The following IMPG1 variants were observed in gnomAD, a reference collection of about 807,000 sequenced individuals.
IMPG1 encodes interphotoreceptor matrix proteoglycan 1, also known as interphotoreceptor matrix proteoglycan of 150 kDa.
A neutral mutation model predicts 92.0 loss-of-function variants in IMPG1; 85 were observed. The observed-to-expected ratio is 0.92, with a 90% CI of 0.78 to 1.11. The LOEUF (loss-of-function observed/expected upper bound fraction) is 1.11. Ranked by LOEUF, IMPG1 falls within the 50% of genes least tolerant of loss-of-function variation. The pLI is 0.00. For missense variants in IMPG1, 1,022 were observed against 956.0 expected (o/e 1.07, Z -0.91); for synonymous variants, 367 against 334.1 (o/e 1.10, Z -1.08).
intron 4 of IMPG1, among the ~76,000 whole-genome samples, chr6:76,030,625 A>G (rs1013385865): frequency 5.9e-5 from 9 of 152,130 alleles, no homozygotes; most frequent in Non-Finnish European, 1.2e-4. Context: ...GAAGCCCAAC[A>G]TGCTGGCAAA....
At chr6:76,055,726 T>C (rs938143852) in intron 1 of IMPG1, among the ~76,000 whole-genome samples, 1 of 152,036 alleles carries the variant, frequency 6.6e-6, no homozygotes, top group Non-Finnish European at 1.5e-5. Flanking sequence ...ACATTATGCT[T>C]TCTACAGACT....
Position 75,921,275 on chromosome 6 carries a change from A to C in IMPG1, c.*814T>G, listed in dbSNP as rs551634646. 1 of 152,192 alleles carries C rather than the reference A, an allele frequency of 6.6e-6. No individual in the cohort carries two copies. Among genetic ancestry groups the C allele is most frequent in the Admixed American group, 6.5e-5 (1 of 15,274 alleles). The allele number at this position is 152,192 out of a possible 1,614,324, so 9.4% of individuals were successfully genotyped here. ...ATGCCAGTCTAGGTATACACACACT[A>C]AAGTTGGTGTGAGGAAATATTCTGA... is the stretch of plus-strand genomic sequence containing the variant. On this transcript the variant is annotated 3_prime_UTR_variant, in exon 17 of 17. Coordinates refer to ENST00000369950, the MANE Select transcript of IMPG1 (RefSeq NM_001563.4).
chr6:75,958,059 A>G (rs1432097681), intron 12 of IMPG1, among the ~76,000 whole-genome samples: 1 of 152,028 alleles, frequency 6.6e-6, no homozygotes, highest in African/African-American at 2.4e-5. Flanking sequence ...GTTCCTTTTC[A>G]TATTTATTGC....
At chr6:76,061,943 G>T (rs572559155) in intron 1 of IMPG1, among the ~76,000 whole-genome samples, 1 of 152,094 alleles carries the variant, frequency 6.6e-6, no homozygotes, top group Non-Finnish European at 1.5e-5. Context: ...TGAAATCAAA[G>T]CTATCTCACC....
intron 9 of IMPG1, among the ~76,000 whole-genome samples, chr6:76,006,326 A>G (rs1224277986): frequency 2.0e-5 from 3 of 148,592 alleles, no homozygotes; most frequent in African/African-American, 7.3e-5. Flanking sequence ...ATATATATGT[A>G]TATTATATAT....
At chr6:75,936,954 A>C (rs192988037) in intron 14 of IMPG1, among the ~76,000 whole-genome samples, 2 of 152,192 alleles carry the variant, frequency 1.3e-5, no homozygotes, top group African/African-American at 4.8e-5. Flanking sequence ...ATGAGGGCAC[A>C]GATTGAAACC....
intron 12 of IMPG1, among the ~76,000 whole-genome samples, chr6:75,987,061 T>C (rs993559738): frequency 2.2e-4 from 34 of 152,192 alleles, no homozygotes; most frequent in Non-Finnish European, 4.6e-4. Flanking sequence ...AGCAGCAGGT[T>C]CCATTTTCCA....
At chr6:75,945,349 T>C (rs1781907482) in intron 14 of IMPG1, among the ~76,000 whole-genome samples, 1 of 147,270 alleles carries the variant, frequency 6.8e-6, no homozygotes, top group African/African-American at 2.5e-5. Flanking sequence ...TCTTCTCTTT[T>C]TTTTTTTTCT....
At chr6:76,070,588 GAATA>G (rs1215038065) in intron 1 of IMPG1, among the ~76,000 whole-genome samples, 1 of 152,034 alleles carries the variant, frequency 6.6e-6, no homozygotes, top group Non-Finnish European at 1.5e-5. Flanking sequence ...ACTAATGAAT[GAATA>G]AAGAAAATAT....
At chr6:76,063,857 C>T (rs1784253212) in intron 1 of IMPG1, among the ~76,000 whole-genome samples, 1 of 152,156 alleles carries the variant, frequency 6.6e-6, no homozygotes, top group African/African-American at 2.4e-5. Flanking sequence ...AAGGGAGCAC[C>T]CCTTTGCACA....
At chr6:76,025,149 A>T in intron 5 of IMPG1, 45 bp downstream of exon 5, 3 of 1,084,702 alleles carry the variant, frequency 2.8e-6, no homozygotes, top group Non-Finnish European at 4.2e-6. Context: ...TATCATGATG[A>T]TTTGAATGAA....
intron 12 of IMPG1, among the ~76,000 whole-genome samples, chr6:75,967,077 G>C (rs1003436498): frequency 3.3e-5 from 5 of 152,156 alleles, no homozygotes; most frequent in African/African-American, 1.2e-4. Context: ...TACTTGGGAG[G>C]CTGAGGCAAG....
At chr6:75,974,068 G>C (rs960530515) in intron 12 of IMPG1, among the ~76,000 whole-genome samples, 31 of 152,224 alleles carry the variant, frequency 2.0e-4, no homozygotes, top group Non-Finnish European at 3.5e-4. Flanking sequence ...CTGGCTTCAA[G>C]ATAGTCCCTT....
chr6:76,039,416 C>T (rs1005299897), intron 2 of IMPG1, among the ~76,000 whole-genome samples: 5 of 148,822 alleles, frequency 3.4e-5, no homozygotes, highest in South Asian at 2.1e-4. Context: ...AGTGCAGTGA[C>T]GTGATCTTGG....
intron 8 of IMPG1, among the ~76,000 whole-genome samples, chr6:76,008,663 C>T (rs1464338932): frequency 1.3e-5 from 2 of 152,168 alleles, no homozygotes; most frequent in African/African-American, 4.8e-5. Context: ...TGTAAAGAGG[C>T]CAGGCTTCCT....
Position 76,028,566 on chromosome 6 carries a change from A to G in IMPG1, c.498-3308T>C, listed in dbSNP as rs1374557271. ...AAGTAAGGGCCGGACACGGTGGCTC[A>G]CGCCTGTAATCCCAGCACTTTGGGA... On this transcript the variant is annotated intron_variant, in intron 4 of 16. Transcript: ENST00000369950. 5.3e-5 allele frequency among the ~76,000 whole-genome samples: 8 copies of G among 152,262 alleles called. No individual in the cohort carries two copies. In the East Asian group the frequency reaches 1.5e-3, roughly 29 times the overall value.
At chr6:75,989,284 G>A (rs1234164440) in intron 12 of IMPG1, among the ~76,000 whole-genome samples, 1 of 152,062 alleles carries the variant, frequency 6.6e-6, no homozygotes, top group African/African-American at 2.4e-5. Context: ...ACAGCATCAT[G>A]TACAACTAAA....
At chr6:76,072,353 C>T (rs1784414878) in intron 1 of IMPG1, 69 bp downstream of exon 1, 1 of 849,372 alleles carries the variant, frequency 1.2e-6, no homozygotes, top group East Asian at 2.6e-5. Context: ...CTTGTTGGTT[C>T]TAAATATTCA....
Position 76,024,939 on chromosome 6 carries a change from T to C in IMPG1, c.562+255A>G, listed in dbSNP as rs1373365629. On this transcript the variant is annotated intron_variant, in intron 5 of 16. Transcript: ENST00000369950. Reference sequence around the variant, plus strand: ...ATAATAGAAGAAAGAAGGCAGAAAATAGGCAGTAAATGTTCATGATGGTTG... The same window carrying C: ...ATAATAGAAGAAAGAAGGCAGAAAACAGGCAGTAAATGTTCATGATGGTTG... 5 of 540,826 alleles carry C rather than the reference T, an allele frequency of 9.2e-6. No individual in the cohort carries two copies. In the East Asian group the frequency reaches 2.3e-4, roughly 24 times the overall value. 33.5% of individuals were successfully genotyped at this position (540,826 alleles called of 1,614,324 possible).
Sources: gnomAD v4.1 joint callset for allele counts (sites outside exome capture counted in the v4.1 genomes callset) on GRCh38, gnomAD v4.1.1 for gene constraint, MANE v1.5 for transcripts, NCBI Gene and HGNC (gene_info 2026-07-23, HGNC 2026-07-21) for gene names.